The following PRKAA2 variants were observed in gnomAD, a reference collection of about 807,000 sequenced individuals.
PRKAA2 encodes 5'-AMP-activated protein kinase catalytic subunit alpha-2.
Under a neutral mutation model 56.3 loss-of-function variants are expected in PRKAA2, and 40 were observed. The ratio of observed to expected loss-of-function variants is 0.71; its 90% CI spans 0.55 to 0.92. PRKAA2 has a LOEUF of 0.92. Ranked by LOEUF, PRKAA2 falls within the 40% of genes least tolerant of loss-of-function variation. The pLI is 0.00. For synonymous variants in PRKAA2, 214 were observed against 234.2 expected, an observed-to-expected ratio of 0.91 and a Z score of 0.79; for missense variants, 542 against 686.9, an observed-to-expected ratio of 0.79 and a Z score of 2.36.
intron 1 of PRKAA2, among the ~76,000 whole-genome samples, chr1:56,659,142 A>G (rs1309933050): frequency 2.6e-5 from 4 of 151,822 alleles, no homozygotes; most frequent in African/African-American, 7.3e-5. Flanking sequence ...ATCTTAAATG[A>G]TGATGTAAAA....
At chr1:56,671,001 G>A (rs2100401337) in intron 1 of PRKAA2, among the ~76,000 whole-genome samples, 1 of 152,236 alleles carries the variant, frequency 6.6e-6, no homozygotes, top group Non-Finnish European at 1.5e-5. Flanking sequence ...AACGTTTCTT[G>A]CATATGCTCG....
chr1:56,695,446 C>G (rs1644253166), intron 5 of PRKAA2, among the ~76,000 whole-genome samples: 2 of 152,044 alleles, frequency 1.3e-5, no homozygotes, highest in South Asian at 4.1e-4. Context: ...CCGCCTCAGC[C>G]TCCCAAAGTA....
chr1:56,682,114 G>A (rs989599708), intron 2 of PRKAA2, among the ~76,000 whole-genome samples: 7 of 152,098 alleles, frequency 4.6e-5, no homozygotes, highest in African/African-American at 1.7e-4. Context: ...TCTCTTTGAA[G>A]CAATTGTGAA....
intron 4 of PRKAA2, among the ~76,000 whole-genome samples, chr1:56,693,383 T>G (rs1424074478): frequency 6.6e-6 from 1 of 152,194 alleles, no homozygotes; most frequent in African/African-American, 2.4e-5. Flanking sequence ...TTAAAGAGGC[T>G]TTTGAAAGCA....
intron 6 of PRKAA2, among the ~76,000 whole-genome samples, chr1:56,698,690 C>G (rs1644274762): frequency 6.6e-6 from 1 of 152,148 alleles, no homozygotes; most frequent in African/African-American, 2.4e-5. Flanking sequence ...CTACTACATA[C>G]TTACTGTCTC....
chr1:56,697,096 C>T (rs1469280768), intron 6 of PRKAA2, among the ~76,000 whole-genome samples: 3 of 144,530 alleles, frequency 2.1e-5, no homozygotes, highest in Non-Finnish European at 3.0e-5. Flanking sequence ...TGTAGGTAGC[C>T]TCAACCTCCC....
chr1:56,660,210 A>G (rs543471314), intron 1 of PRKAA2, among the ~76,000 whole-genome samples: 1 of 152,336 alleles, frequency 6.6e-6, no homozygotes, highest in South Asian at 2.1e-4. Flanking sequence ...TCACAATTCA[A>G]GGCAATGCCT....
intron 1 of PRKAA2, among the ~76,000 whole-genome samples, chr1:56,654,930 A>T (rs1202985095): frequency 6.6e-6 from 1 of 152,000 alleles, no homozygotes; most frequent in African/African-American, 2.4e-5. Context: ...ATGATTAAAG[A>T]TAATTTATAA....
At chr1:56,693,922 T>G in intron 5 of PRKAA2, 70 bp downstream of exon 5, 11 of 1,068,316 alleles carry the variant, frequency 1.0e-5, no homozygotes, top group Non-Finnish European at 1.5e-5. Context: ...TTACAATATA[T>G]TCTCTATGGA....
At chr1:56,705,222 T>C (rs1166705312) in intron 7 of PRKAA2, among the ~76,000 whole-genome samples, 2 of 152,218 alleles carry the variant, frequency 1.3e-5, no homozygotes, top group Admixed American at 6.5e-5. Flanking sequence ...TTATTATTTG[T>C]ACATGAAATG....
At chr1:56,691,148 A>G (rs1326314625) in intron 2 of PRKAA2, among the ~76,000 whole-genome samples, 3 of 152,236 alleles carry the variant, frequency 2.0e-5, no homozygotes, top group African/African-American at 7.2e-5. Context: ...GAAGAGGGAA[A>G]GATTTCAAAA....
chr1:56,699,446 A>G (rs1306364717), intron 6 of PRKAA2, among the ~76,000 whole-genome samples: 2 of 152,178 alleles, frequency 1.3e-5, no homozygotes, highest in Non-Finnish European at 2.9e-5. Context: ...TCACTTTGGT[A>G]GAGTTAGTTC....
In PRKAA2 at chr1:56,702,797, C is replaced by T. The variant is rs576533701; in HGVS notation, c.789-1174C>T. ...CCTCTCATTCTAAATTATATACTCT[C>T]ATTTTACTCTATGCAATTTCTCTTG... On this transcript the variant is annotated intron_variant, in intron 6 of 8. Transcript: ENST00000371244. Among the ~76,000 whole-genome samples, 24 of 152,312 alleles carry T rather than the reference C, an allele frequency of 1.6e-4. No individual in the cohort carries two copies. In the South Asian group the frequency reaches 5.0e-3, roughly 32 times the overall value.
intron 2 of PRKAA2, among the ~76,000 whole-genome samples, chr1:56,677,211 G>T (rs1009649172): frequency 2.2e-4 from 34 of 152,174 alleles, no homozygotes; most frequent in Non-Finnish European, 1.3e-4. Flanking sequence ...TTGGCCCAGA[G>T]CAGGAATTAG....
intron 1 of PRKAA2, among the ~76,000 whole-genome samples, chr1:56,667,501 G>A (rs10889009): frequency 0.39 from 59,875 of 151,908 alleles, 12,508 homozygotes; most frequent in Middle Eastern, 0.52. Context: ...CATATATTAT[G>A]AGTTAAATCT....
In PRKAA2 at chr1:56,656,250, C is replaced by T. The variant is rs574892740; in HGVS notation, c.94+10769C>T. On this transcript the variant is annotated intron_variant, in intron 1 of 8. Transcript: ENST00000371244. ...AGAAAGTATAAGACACATATGAGAA[C>T]ACAGTGAAAAGTCTAATACATGTAT... is the stretch of plus-strand genomic sequence containing the variant. 4.6e-5 allele frequency among the ~76,000 whole-genome samples: 7 copies of T among 152,174 alleles called. No individual in the cohort carries two copies. The South Asian group carries it at 1.0e-3, about 23-fold the overall frequency.
At chr1:56,697,560 A>C (rs1644266974) in intron 6 of PRKAA2, among the ~76,000 whole-genome samples, 1 of 152,118 alleles carries the variant, frequency 6.6e-6, no homozygotes, top group African/African-American at 2.4e-5. Context: ...CAGGAAAAAA[A>C]CTCTTTGTGT....
At chr1:56,678,969 C>T (rs1438425381) in intron 2 of PRKAA2, among the ~76,000 whole-genome samples, 3 of 152,258 alleles carry the variant, frequency 2.0e-5, no homozygotes, top group South Asian at 4.1e-4. Flanking sequence ...GCTGGGATTA[C>T]GGGCGTGAGC....
At chr1:56,698,111 C>G (rs7533440) in intron 6 of PRKAA2, among the ~76,000 whole-genome samples, 56,979 of 133,010 alleles carry the variant, frequency 0.43, 11,919 homozygotes, top group Middle Eastern at 0.58. Context: ...GAGATGGGGT[C>G]TTGCTATGTT....
Sources: allele counts gnomAD v4.1 joint callset (sites outside exome capture counted in the v4.1 genomes callset), GRCh38; gene constraint gnomAD v4.1.1; transcripts MANE v1.5; gene names NCBI Gene and HGNC (gene_info 2026-07-23, HGNC 2026-07-21).